KRT80: variants seen among roughly 807,000 people sequenced by gnomAD.
KRT80 encodes the protein keratin 80.
KRT80 carries 36 observed loss-of-function variants against 51.5 expected under a neutral mutation model. The ratio of observed to expected loss-of-function variants is 0.70; its 90% confidence interval spans 0.54 to 0.92. The LOEUF is 0.92. Ranked by LOEUF, KRT80 falls within the 40% of genes least tolerant of loss-of-function variation. The pLI, the probability that KRT80 is intolerant of heterozygous loss-of-function variation, is 0.00. For missense variants in KRT80, 566 were observed against 591.7 expected, an observed-to-expected ratio of 0.96 and a Z score of 0.45; for synonymous variants, 235 against 248.3, an observed-to-expected ratio of 0.95 and a Z score of 0.50.
In KRT80 at chr12:52,191,569, C is replaced by T. The variant is rs369851401; in HGVS notation, c.300+34G>A. The stretch of plus-strand genomic sequence containing the variant: ...TCAGCTACCGGCCCAGGCCTGGCAG[C>T]CCTTCATGTTTGGGACCCCCTACTT... On this transcript the variant is annotated intron_variant, in intron 1 of 8. Transcript: ENST00000394815. 4.6e-6 allele frequency: 7 copies of T among 1,532,128 alleles called. No homozygotes were observed. In the African/African-American group the frequency reaches 9.7e-5, roughly 21 times the overall value. The allele number at this position is 1,532,128 out of a possible 1,614,324, so 94.9% of individuals were successfully genotyped here. A position where few individuals can be genotyped will look rare whatever the true frequency, so the allele number is the denominator to read the frequency against.
At position 52,180,973 on chromosome 12, in the gene KRT80, A is replaced by G. The variant is rs370535356; in HGVS notation, c.510-10T>C. On this transcript the variant is annotated splice_polypyrimidine_tract_variant and intron_variant, in intron 2 of 8. Coordinates refer to ENST00000394815, the MANE Select transcript of KRT80 (RefSeq NM_182507.3). ...GATCTCATCCTCATACCTGGGAGGG[A>G]GAGAGGGGTTGCTCAGCTGGATATG... is the stretch of plus-strand genomic sequence containing the variant. 6 of 1,518,506 alleles carry G rather than the reference A, an allele frequency of 4.0e-6. No individual in the cohort carries two copies. The highest frequency in any genetic ancestry group is 5.3e-6 in the Non-Finnish European group (6 of 1,135,096). 94.1% of individuals were successfully genotyped at this position (1,518,506 alleles called of 1,614,324 possible). A position where few individuals can be genotyped will look rare whatever the true frequency, so the allele number is the denominator to read the frequency against.
chr12:52,173,594 C>T lies in KRT80; in HGVS notation c.831+6G>A, dbSNP rs1303955725. 1.2e-6 allele frequency: 2 copies of T among 1,611,766 alleles called. No individual in the cohort carries two copies. The highest frequency in any genetic ancestry group is 1.7e-6 in the Non-Finnish European group (2 of 1,179,688). On this transcript the variant is annotated splice_donor_region_variant and intron_variant, in intron 5 of 8. Coordinates refer to ENST00000394815, the MANE Select transcript of KRT80 (RefSeq NM_182507.3). Reference sequence around the variant, plus strand: ...TGCTTCTCGTGCCCTGTGTGGTCAGCCCCACCTGGCTCCGAGAGTATGCCT... The same window carrying T: ...TGCTTCTCGTGCCCTGTGTGGTCAGTCCCACCTGGCTCCGAGAGTATGCCT...
chr12:52,172,850 A>C (rs960793474), intron 6 of KRT80, among the ~76,000 whole-genome samples, 188 bp downstream of exon 6: 3 of 152,162 alleles, frequency 2.0e-5, no homozygotes, highest in Non-Finnish European at 2.9e-5. Context: ...TTTTGTATGC[A>C]GAGCGCCTCA....
At chr12:52,180,666 A>C in intron 3 of KRT80, 58 bp from the exon 4 acceptor site, 1 of 1,566,492 alleles carries the variant, frequency 6.4e-7, no homozygotes, top group Non-Finnish European at 8.6e-7. Context: ...CCAGGGCAGG[A>C]GTGGGCTGGG....
intron 2 of KRT80, among the ~76,000 whole-genome samples, chr12:52,182,931 T>A (rs982076488): frequency 3.3e-5 from 5 of 152,166 alleles, no homozygotes; most frequent in African/African-American, 1.2e-4. Context: ...CCAATACTGT[T>A]TCATCTCCAG....
rs1300728411 is a variant in KRT80, at chr12:52,170,953, A to G, written c.*445T>C. ...ACGCCGTCCTCCTCGGCTCCCGCAC[A>G]TAGGTGGATGAGCCAGTCCCAGTCC... is the stretch of plus-strand genomic sequence containing the variant. On this transcript the variant is annotated 3_prime_UTR_variant, in exon 9 of 9. Transcript: ENST00000394815. 6.1e-6 allele frequency: 1 copy of G among 163,458 alleles called. No homozygotes were observed. Among genetic ancestry groups the G allele is most frequent in the African/African-American group, 2.4e-5 (1 of 41,550 alleles). The allele number at this position is 163,458 out of a possible 1,614,324, so 10.1% of individuals were successfully genotyped here.
At chr12:52,176,024 G>A (rs76574170) in intron 4 of KRT80, among the ~76,000 whole-genome samples, 3,235 of 152,296 alleles carry the variant, frequency 0.021, 50 homozygotes, top group South Asian at 0.036. Flanking sequence ...CTTGGCATTC[G>A]TTATGGCCCC....
intron 1 of KRT80, among the ~76,000 whole-genome samples, chr12:52,188,038 C>T (rs1292554277): frequency 1.3e-5 from 2 of 151,904 alleles, no homozygotes; most frequent in Admixed American, 1.3e-4. Context: ...GGGACAGCCC[C>T]CTGTTTTCTG....
At chr12:52,188,862 G>T (rs764384748) in intron 1 of KRT80, among the ~76,000 whole-genome samples, 1 of 152,150 alleles carries the variant, frequency 6.6e-6, no homozygotes, top group Non-Finnish European at 1.5e-5. Context: ...TCGGCCTTGC[G>T]CCCTCCCTGC....
intron 1 of KRT80, 102 bp downstream of exon 1, chr12:52,191,501 C>A: frequency 8.4e-7 from 1 of 1,185,282 alleles, no homozygotes; most frequent in Non-Finnish European, 1.2e-6. Context: ...TGGCTGGGTG[C>A]AGGGGTGGGG....
chr12:52,189,720 A>G (rs1004035627), intron 1 of KRT80, among the ~76,000 whole-genome samples: 7 of 152,196 alleles, frequency 4.6e-5, no homozygotes, highest in Non-Finnish European at 1.0e-4. Flanking sequence ...AACGGCCAGT[A>G]CCCACAGCTC....
At chr12:52,178,975 G>T (rs1941278159) in intron 4 of KRT80, among the ~76,000 whole-genome samples, 1 of 152,186 alleles carries the variant, frequency 6.6e-6, no homozygotes, top group African/African-American at 2.4e-5. Flanking sequence ...AAGAAGTCTT[G>T]TGGGGTGCTC....
chr12:52,185,756 T>A, intron 1 of KRT80, 169 bp from the exon 2 acceptor site: 1 of 1,389,572 alleles, frequency 7.2e-7, no homozygotes, highest in Non-Finnish European at 9.7e-7. Flanking sequence ...GACTGATTGT[T>A]AAAACTGAAG....
chr12:52,175,678 T>C (rs930119726), intron 4 of KRT80, among the ~76,000 whole-genome samples: 1 of 152,090 alleles, frequency 6.6e-6, no homozygotes, highest in East Asian at 1.9e-4. Context: ...GTCTCTGCCC[T>C]GGAGCTGGCA....
chr12:52,172,985 G>A, intron 6 of KRT80, 53 bp downstream of exon 6: 2 of 1,571,248 alleles, frequency 1.3e-6, no homozygotes, highest in Admixed American at 1.7e-5. Flanking sequence ...ACACATGACT[G>A]TGTGTCTCCC....
intron 1 of KRT80, among the ~76,000 whole-genome samples, chr12:52,188,447 C>T (rs1941437506): frequency 1.3e-5 from 2 of 152,220 alleles, no homozygotes; most frequent in South Asian, 4.1e-4. Context: ...ACAGGCCGGA[C>T]ATCCCAGAGG....
intron 2 of KRT80, among the ~76,000 whole-genome samples, chr12:52,181,996 C>G (rs1195555095): frequency 6.6e-6 from 1 of 152,208 alleles, no homozygotes; most frequent in East Asian, 1.9e-4. Flanking sequence ...ATTGAGCTGG[C>G]TATATCTGGC....
At chr12:52,172,935 C>T in intron 6 of KRT80, 103 bp downstream of exon 6, 1 of 1,380,488 alleles carries the variant, frequency 7.2e-7, no homozygotes, top group Non-Finnish European at 9.7e-7. Context: ...GCTAAGCGAC[C>T]CACACAGGGT....
intron 2 of KRT80, 137 bp from the exon 3 acceptor site, chr12:52,181,100 C>T: frequency 1.7e-6 from 1 of 573,790 alleles, no homozygotes; most frequent in South Asian, 3.0e-5. Flanking sequence ...GCCCATCCTT[C>T]TCCCTCTTGC....
Sources: gnomAD v4.1 joint callset for allele counts (sites outside exome capture counted in the v4.1 genomes callset) on GRCh38, gnomAD v4.1.1 for gene constraint, MANE v1.5 for transcripts, NCBI Gene and HGNC (gene_info 2026-07-23, HGNC 2026-07-21) for gene names.